PMFBP1: variants seen among roughly 807,000 people sequenced by gnomAD.
The protein encoded by PMFBP1 is polyamine modulated factor 1 binding protein 1, also known as polyamine-modulated factor 1-binding protein 1.
In PMFBP1, 131 loss-of-function variants were observed where a neutral mutation model predicts 137.8. The observed-to-expected ratio is 0.95, with a 90% confidence interval of 0.82 to 1.10. The LOEUF (loss-of-function observed/expected upper bound fraction) is 1.10, where lower values mean the gene tolerates loss of function less well. Among genes scored for constraint, PMFBP1 ranks in the 50% least tolerant of loss-of-function variants. The probability of loss-of-function intolerance (pLI) is 0.00; values close to 1 mark genes in which losing one functional copy is unlikely to be tolerated. For synonymous variants in PMFBP1, 490 were observed against 450.4 expected (o/e 1.09, Z -1.11); for missense variants, 1,199 against 1,175.4 (o/e 1.02, Z -0.29).
the PMFBP1 span, among the ~76,000 whole-genome samples, chr16:72,204,351 G>A: frequency 6.6e-6 from 1 of 151,860 alleles, no homozygotes; most frequent in Non-Finnish European, 1.5e-5. Context: ...TTTAGAGATG[G>A]GGCGTGCACC....
At chr16:72,218,748 C>T in the PMFBP1 span, among the ~76,000 whole-genome samples, 2 of 152,182 alleles carry the variant, frequency 1.3e-5, no homozygotes, top group South Asian at 2.1e-4. Flanking sequence ...TATGCTCACT[C>T]GCCAAAGTTC....
chr16:72,248,257 A>C, the PMFBP1 span, among the ~76,000 whole-genome samples: 3 of 152,252 alleles, frequency 2.0e-5, no homozygotes, highest in African/African-American at 7.2e-5. Context: ...GATTTCTACA[A>C]CTAGGAAGTG....
upstream of PMFBP1, among the ~76,000 whole-genome samples, chr16:72,177,896 T>A (rs1207099832): frequency 6.6e-6 from 1 of 151,974 alleles, no homozygotes; most frequent in African/African-American, 2.4e-5. Context: ...TTTGCCTGAT[T>A]TTTTTTTCTT....
At chr16:72,147,587 A>T (rs2042828844) in intron 5 of PMFBP1, among the ~76,000 whole-genome samples, 1 of 152,244 alleles carries the variant, frequency 6.6e-6, no homozygotes, top group Admixed American at 6.5e-5. Flanking sequence ...GTGAACAGGC[A>T]ACCTACGGAT....
At chr16:72,151,486 GAATA>G (rs2042902821) in intron 4 of PMFBP1, among the ~76,000 whole-genome samples, 1 of 152,174 alleles carries the variant, frequency 6.6e-6, no homozygotes, top group South Asian at 2.1e-4. Context: ...GATTTAAAAT[GAATA>G]AACAGCTGTA....
At chr16:72,191,504 C>A in the PMFBP1 span, among the ~76,000 whole-genome samples, 1 of 152,214 alleles carries the variant, frequency 6.6e-6, no homozygotes, top group South Asian at 2.1e-4. Flanking sequence ...CGACTTGGCT[C>A]ATTGCTTAAG....
At chr16:72,234,997 C>T in the PMFBP1 span, among the ~76,000 whole-genome samples, 2 of 152,080 alleles carry the variant, frequency 1.3e-5, no homozygotes, top group Admixed American at 1.3e-4. Flanking sequence ...GTGGGTTGTA[C>T]TTTCACCTTC....
downstream of PMFBP1, among the ~76,000 whole-genome samples, chr16:72,117,983 C>A (rs111407343): frequency 6.6e-6 from 1 of 152,184 alleles, no homozygotes; most frequent in Non-Finnish European, 1.5e-5. Context: ...ATTAGCTCTC[C>A]ATAACTGACT....
intron 16 of PMFBP1, 59 bp downstream of exon 16, chr16:72,125,179 A>G: frequency 6.4e-7 from 1 of 1,564,548 alleles, no homozygotes; most frequent in Admixed American, 1.9e-5. Flanking sequence ...TCTGGATGCA[A>G]GAGGTGACCT....
At chr16:72,211,067 G>A in the PMFBP1 span, among the ~76,000 whole-genome samples, 1 of 152,186 alleles carries the variant, frequency 6.6e-6, no homozygotes, top group Non-Finnish European at 1.5e-5. Context: ...AAGGGAAGGT[G>A]AAGGAAAAGA....
chr16:72,140,692 T>C, intron 5 of PMFBP1, 110 bp from the exon 6 acceptor site: 10 of 1,006,974 alleles, frequency 9.9e-6, no homozygotes, highest in Non-Finnish European at 1.5e-5. Context: ...TATATGTTCA[T>C]ATATGGAAAT....
the PMFBP1 span, among the ~76,000 whole-genome samples, chr16:72,208,733 TCAGC>T: frequency 6.6e-6 from 1 of 152,248 alleles, no homozygotes; most frequent in Non-Finnish European, 1.5e-5. Context: ...ATGTTTCCTG[TCAGC>T]GTCTTGACCG....
rs2042701813 is a variant in PMFBP1, at chr16:72,140,516, G to C, written c.703C>G (p.His235Asp). 1 of 1,612,432 alleles carries C rather than the reference G, an allele frequency of 6.2e-7. No homozygotes were observed. Among genetic ancestry groups the C allele is most frequent in the South Asian group, 1.1e-5 (1 of 91,060 alleles). The part of the protein sequence containing the change: ...IYTSPCMIQE[H>D]QETQKRLSEV... ...GACAGTCGTTTCTGAGTCTCCTGAT[G>C]CTCTTGAATCATGCAAGGAGAAGTG... Residue 235 changes from histidine to aspartate, a missense_variant, in exon 6 of 21, where the codon CAT becomes GAT. Transcript: ENST00000237353.
rs773089132 is a variant in PMFBP1 at position 72,164,788 on chromosome 16, C to T, written c.141G>A (p.Met47Ile). Residue 47 changes from methionine (M) to isoleucine (I), a missense_variant, in exon 3 of 21, where the codon ATG (methionine) becomes ATA (isoleucine). Coordinates refer to ENST00000237353, the MANE Select transcript of PMFBP1 (RefSeq NM_031293.3). ...CGTGGCTGCTGTTCATTGCCTCCTC[C>T]ATGCAGAGCTGATTGTCCTGCAAGG... is the stretch of plus-strand genomic sequence containing the variant. ...RKTLQDNQLC[M>I]EEAMNSSHDK... 1.3e-6 allele frequency: 2 copies of T among 1,597,972 alleles called. No homozygotes were observed. Among genetic ancestry groups the T allele is most frequent in the Non-Finnish European group, 8.6e-7 (1 of 1,167,242 alleles).
the PMFBP1 span, among the ~76,000 whole-genome samples, chr16:72,217,587 C>T: frequency 6.6e-6 from 1 of 152,160 alleles, no homozygotes; most frequent in Non-Finnish European, 1.5e-5. Context: ...TACAGTGGCT[C>T]ACATCTGTAA....
chr16:72,247,194 T>C, the PMFBP1 span, among the ~76,000 whole-genome samples: 1 of 152,228 alleles, frequency 6.6e-6, no homozygotes, highest in Non-Finnish European at 1.5e-5. Flanking sequence ...CTCTGTCTAA[T>C]GCATGATACT....
chr16:72,129,530 T>G (rs2042516267), intron 12 of PMFBP1, among the ~76,000 whole-genome samples: 2 of 152,214 alleles, frequency 1.3e-5, no homozygotes, highest in South Asian at 4.1e-4. Context: ...ATCAAAAACC[T>G]TTTTGAATGA....
At chr16:72,214,628 C>T in the PMFBP1 span, among the ~76,000 whole-genome samples, 8 of 152,072 alleles carry the variant, frequency 5.3e-5, no homozygotes, top group African/African-American at 1.4e-4. Flanking sequence ...TGTAGAGTTC[C>T]CAGCATAATG....
At chr16:72,221,129 T>A in the PMFBP1 span, among the ~76,000 whole-genome samples, 1 of 151,692 alleles carries the variant, frequency 6.6e-6, no homozygotes, top group African/African-American at 2.4e-5. Context: ...GCATGAAGAG[T>A]GAAAATTCTC....
Sources: gnomAD v4.1 joint callset for allele counts (sites outside exome capture counted in the v4.1 genomes callset) on GRCh38, gnomAD v4.1.1 for gene constraint, MANE v1.5 for transcripts, NCBI Gene and HGNC (gene_info 2026-07-23, HGNC 2026-07-21) for gene names.